The following KCTD16 variants were observed in gnomAD, a reference collection of about 807,000 sequenced individuals.
KCTD16 encodes the protein potassium channel tetramerization domain containing 16, also known as BTB/POZ domain-containing protein KCTD16.
A neutral mutation model predicts 33.2 loss-of-function variants in KCTD16; 13 were observed. The ratio of observed to expected loss-of-function variants is 0.39; its 90% confidence interval spans 0.25 to 0.62. KCTD16 has a LOEUF of 0.62. KCTD16 is among the 20% of genes least tolerant of loss of function. The probability of loss-of-function intolerance (pLI) is 0.50; values close to 1 mark genes in which losing one functional copy is unlikely to be tolerated. For synonymous variants in KCTD16, 197 were observed against 195.3 expected, an observed-to-expected ratio of 1.01 and a Z score of -0.07; for missense variants, 441 against 525.1, an observed-to-expected ratio of 0.84 and a Z score of 1.57.
chr5:144,426,446 G>T (rs987504845), intron 3 of KCTD16, among the ~76,000 whole-genome samples: 2 of 151,990 alleles, frequency 1.3e-5, no homozygotes, highest in Admixed American at 1.3e-4. Flanking sequence ...AAAAATACAG[G>T]CTTTTTCTAG....
intron 3 of KCTD16, among the ~76,000 whole-genome samples, chr5:144,406,970 A>C (rs567111599): frequency 6.6e-6 from 1 of 152,142 alleles, no homozygotes. Context: ...GCACCAGGAC[A>C]GGATTTTTAG....
chr5:144,351,883 G>A (rs1185210218), intron 3 of KCTD16, among the ~76,000 whole-genome samples: 1 of 152,120 alleles, frequency 6.6e-6, no homozygotes, highest in African/African-American at 2.4e-5. Context: ...AGGCTGTGGG[G>A]TGGGGAACTG....
intron 3 of KCTD16, among the ~76,000 whole-genome samples, chr5:144,312,269 G>A (rs1405266740): frequency 2.0e-5 from 3 of 152,158 alleles, no homozygotes; most frequent in East Asian, 1.9e-4. Flanking sequence ...CACACAGACC[G>A]TGCAGGACAA....
At chr5:144,222,501 C>CA (rs1451606815) in intron 3 of KCTD16, among the ~76,000 whole-genome samples, 2 of 152,102 alleles carry the variant, frequency 1.3e-5, no homozygotes, top group African/African-American at 4.8e-5. Flanking sequence ...ATACACTTCT[C>CA]AAAAGAAGAC....
intron 3 of KCTD16, among the ~76,000 whole-genome samples, chr5:144,240,316 C>T (rs1754366934): frequency 6.6e-6 from 1 of 151,762 alleles, no homozygotes; most frequent in South Asian, 2.1e-4. Flanking sequence ...TCGAATTGTG[C>T]TTCCTTCTTT....
At chr5:144,306,713 C>A (rs527976037) in intron 3 of KCTD16, among the ~76,000 whole-genome samples, 15 of 152,276 alleles carry the variant, frequency 9.9e-5, no homozygotes, top group Non-Finnish European at 1.6e-4. Context: ...GTAGAGAGGA[C>A]TGTGAGTGTT....
At chr5:144,240,959 T>C (rs1486703577) in intron 3 of KCTD16, among the ~76,000 whole-genome samples, 2 of 152,066 alleles carry the variant, frequency 1.3e-5, no homozygotes, top group Non-Finnish European at 2.9e-5. Flanking sequence ...AAGAAGTATA[T>C]CTCTGAAGTG....
chr5:144,191,519 T>C (rs576033804), intron 2 of KCTD16, among the ~76,000 whole-genome samples: 1 of 152,228 alleles, frequency 6.6e-6, no homozygotes, highest in East Asian at 1.9e-4. Context: ...TTCTGTTTTC[T>C]AGGTTCCACC....
intron 3 of KCTD16, among the ~76,000 whole-genome samples, chr5:144,465,261 C>T (rs909066345): frequency 7.0e-6 from 1 of 141,956 alleles, no homozygotes; most frequent in Non-Finnish European, 1.5e-5. Flanking sequence ...GATCATATTT[C>T]AGGAATCTTC....
intron 3 of KCTD16, among the ~76,000 whole-genome samples, chr5:144,264,616 G>A (rs1318997678): frequency 1.3e-5 from 2 of 151,982 alleles, no homozygotes; most frequent in African/African-American, 2.4e-5. Context: ...CATAGAAAAT[G>A]TAAAAAGTTA....
chr5:144,181,914 C>CA (rs1752633175), intron 2 of KCTD16, among the ~76,000 whole-genome samples: 1 of 151,900 alleles, frequency 6.6e-6, no homozygotes. Flanking sequence ...GCCAAGATGA[C>CA]AAAACCCCAT....
At chr5:144,266,394 T>A (rs1383808954) in intron 3 of KCTD16, among the ~76,000 whole-genome samples, 1 of 152,116 alleles carries the variant, frequency 6.6e-6, no homozygotes, top group Admixed American at 6.5e-5. Context: ...CCTAGAATAT[T>A]TGAAGAAGGC....
chr5:144,299,909 A>AAAAAAAC (rs781169760), intron 3 of KCTD16, among the ~76,000 whole-genome samples: 1 of 145,482 alleles, frequency 6.9e-6, no homozygotes, highest in Non-Finnish European at 1.5e-5. Flanking sequence ...AAAAAAAAAA[A>AAAAAAAC]AAAAAACAAA....
intron 3 of KCTD16, among the ~76,000 whole-genome samples, chr5:144,459,504 C>T (rs973170611): frequency 6.6e-6 from 1 of 151,700 alleles, no homozygotes; most frequent in African/African-American, 2.4e-5. Flanking sequence ...GGTGTACCAA[C>T]ACGTCTCACT....
chr5:144,236,314 G>A (rs992417599), intron 3 of KCTD16, among the ~76,000 whole-genome samples: 2 of 152,082 alleles, frequency 1.3e-5, no homozygotes, highest in African/African-American at 4.8e-5. Context: ...GGCCTTTAAG[G>A]ATGAGCAGCA....
At chr5:144,200,506 T>C (rs1753022888) in intron 2 of KCTD16, among the ~76,000 whole-genome samples, 1 of 152,240 alleles carries the variant, frequency 6.6e-6, no homozygotes, top group Admixed American at 6.5e-5. Flanking sequence ...GTTTCTTACA[T>C]AGCAAATTAC....
intron 3 of KCTD16, among the ~76,000 whole-genome samples, chr5:144,391,664 G>A (rs1002971708): frequency 9.9e-5 from 15 of 152,110 alleles, no homozygotes; most frequent in Middle Eastern, 3.2e-3. Context: ...TTATAAAATG[G>A]TAACTCTATA....
intron 2 of KCTD16, among the ~76,000 whole-genome samples, chr5:144,177,410 C>T (rs904177598): frequency 1.3e-5 from 2 of 152,116 alleles, no homozygotes; most frequent in African/African-American, 4.8e-5. Flanking sequence ...ACTGGGTGGC[C>T]TACATAAATG....
intron 2 of KCTD16, among the ~76,000 whole-genome samples, chr5:144,200,813 T>C (rs1753030133): frequency 6.6e-6 from 1 of 152,156 alleles, no homozygotes; most frequent in Non-Finnish European, 1.5e-5. Flanking sequence ...TCATAGCTCA[T>C]TGCACCCTTA....
Sources: gnomAD v4.1 joint callset for allele counts (sites outside exome capture counted in the v4.1 genomes callset) on GRCh38, gnomAD v4.1.1 for gene constraint, MANE v1.5 for transcripts, NCBI Gene and HGNC (gene_info 2026-07-23, HGNC 2026-07-21) for gene names.